Variants in GRM8 observed in about 807,000 individuals in gnomAD.
The protein encoded by GRM8 is metabotropic glutamate receptor 8.
Under a neutral mutation model 87.2 loss-of-function variants are expected in GRM8, and 47 were observed. That is an observed-to-expected ratio of 0.54 (90% CI 0.43 to 0.69). The LOEUF (loss-of-function observed/expected upper bound fraction) is 0.69, where lower values mean the gene tolerates loss of function less well. Ranked by LOEUF, GRM8 falls within the 30% of genes least tolerant of loss-of-function variation. GRM8 has a pLI of 0.00. For missense variants in GRM8, 1,019 were observed against 1,139.2 expected (o/e 0.89, Z 1.52); for synonymous variants, 396 against 404.5 (o/e 0.98, Z 0.25).
chr7:127,088,361 G>A (rs1018099441), intron 3 of GRM8, among the ~76,000 whole-genome samples: 5 of 152,232 alleles, frequency 3.3e-5, no homozygotes, highest in African/African-American at 1.2e-4. Flanking sequence ...ACTAGGGTTG[G>A]TGAAGGCAGC....
intron 9 of GRM8, among the ~76,000 whole-genome samples, chr7:126,532,665 A>G (rs1814996449): frequency 6.6e-6 from 1 of 151,538 alleles, no homozygotes; most frequent in Admixed American, 6.6e-5. Flanking sequence ...GAGCTTTGTC[A>G]ATCTTCAACC....
chr7:126,607,224 A>T (rs1289332686), intron 8 of GRM8, among the ~76,000 whole-genome samples: 1 of 152,242 alleles, frequency 6.6e-6, no homozygotes, highest in Non-Finnish European at 1.5e-5. Flanking sequence ...ATAAGATTTC[A>T]TGAAGCACCT....
chr7:126,503,062 GT>G (rs1809888727), intron 9 of GRM8, among the ~76,000 whole-genome samples: 1 of 151,938 alleles, frequency 6.6e-6, no homozygotes, highest in African/African-American at 2.4e-5. Context: ...ATCAACCAAA[GT>G]GATTTCCAGG....
At chr7:126,578,631 G>A (rs1031730947) in intron 8 of GRM8, among the ~76,000 whole-genome samples, 20 of 152,170 alleles carry the variant, frequency 1.3e-4, no homozygotes, top group Non-Finnish European at 2.9e-4. Flanking sequence ...TCATGCTGCA[G>A]AGGTGTACTC....
At chr7:126,473,918 C>G (rs1235178484) in intron 9 of GRM8, among the ~76,000 whole-genome samples, 2 of 152,118 alleles carry the variant, frequency 1.3e-5, no homozygotes, top group Non-Finnish European at 2.9e-5. Flanking sequence ...CCTCCTTCAC[C>G]TTCCACCATG....
chr7:126,621,875 C>T (rs1430339867), intron 7 of GRM8, among the ~76,000 whole-genome samples: 1 of 152,174 alleles, frequency 6.6e-6, no homozygotes. Flanking sequence ...TCTATGATTT[C>T]CTACACTTCC....
intron 7 of GRM8, among the ~76,000 whole-genome samples, chr7:126,633,510 C>T (rs1225629318): frequency 6.6e-6 from 1 of 152,078 alleles, no homozygotes; most frequent in Non-Finnish European, 1.5e-5. Flanking sequence ...CTACTTGGAG[C>T]ACTTGGATGA....
intron 9 of GRM8, among the ~76,000 whole-genome samples, chr7:126,515,465 A>G (rs775903468): frequency 1.8e-4 from 27 of 152,098 alleles, no homozygotes; most frequent in Non-Finnish European, 1.5e-4. Flanking sequence ...TAAGTTTCCT[A>G]TTGCTGTTAT....
chr7:127,180,795 G>A (rs1468712008), intron 2 of GRM8, among the ~76,000 whole-genome samples: 2 of 151,874 alleles, frequency 1.3e-5, no homozygotes, highest in Non-Finnish European at 2.9e-5. Flanking sequence ...ATCCAGCATT[G>A]CTTTATGATT....
At chr7:126,623,341 TA>T (rs1442194706) in intron 7 of GRM8, among the ~76,000 whole-genome samples, 1 of 152,194 alleles carries the variant, frequency 6.6e-6, no homozygotes, top group Non-Finnish European at 1.5e-5. Context: ...ATACTTTATG[TA>T]AACTAACATA....
At chr7:126,543,082 A>G (rs945234586) in intron 8 of GRM8, among the ~76,000 whole-genome samples, 1 of 152,172 alleles carries the variant, frequency 6.6e-6, no homozygotes, top group Admixed American at 6.6e-5. Context: ...ATGGACATCT[A>G]TGCATGATCT....
chr7:127,009,153 T>C (rs1388859981), intron 3 of GRM8, among the ~76,000 whole-genome samples: 1 of 152,112 alleles, frequency 6.6e-6, no homozygotes. Context: ...CTAAATTAAC[T>C]ACTACTTTAC....
intron 7 of GRM8, among the ~76,000 whole-genome samples, chr7:126,746,390 C>A (rs191318183): frequency 6.6e-6 from 1 of 151,626 alleles, no homozygotes; most frequent in African/African-American, 2.4e-5. Context: ...CCATGGTTAT[C>A]TAGAATATAG....
At chr7:127,038,898 A>G (rs1239277521) in intron 3 of GRM8, among the ~76,000 whole-genome samples, 3 of 152,222 alleles carry the variant, frequency 2.0e-5, no homozygotes, top group Non-Finnish European at 1.5e-5. Flanking sequence ...CAAACTTATT[A>G]TAACATATAA....
intron 3 of GRM8, among the ~76,000 whole-genome samples, chr7:127,037,407 C>G (rs1247627844): frequency 6.6e-6 from 1 of 152,100 alleles, no homozygotes; most frequent in Non-Finnish European, 1.5e-5. Context: ...AGGAAGAGCC[C>G]AGGTCTCTCA....
chr7:126,887,670 G>A (rs1002844454), intron 6 of GRM8, among the ~76,000 whole-genome samples: 1 of 152,034 alleles, frequency 6.6e-6, no homozygotes, highest in Non-Finnish European at 1.5e-5. Context: ...ATTAAGAATT[G>A]AAAGAACAAA....
chr7:126,931,069 T>C (rs1001877088), intron 3 of GRM8, among the ~76,000 whole-genome samples: 1 of 152,150 alleles, frequency 6.6e-6, no homozygotes, highest in Admixed American at 6.5e-5. Context: ...ACTGAATGCA[T>C]TGGAATGGAG....
intron 6 of GRM8, among the ~76,000 whole-genome samples, chr7:126,877,721 T>C (rs1447755961): frequency 6.6e-6 from 1 of 152,240 alleles, no homozygotes; most frequent in Non-Finnish European, 1.5e-5. Flanking sequence ...TAGCTGAAAG[T>C]ATGGCAGCCC....
intron 8 of GRM8, among the ~76,000 whole-genome samples, chr7:126,551,835 C>G (rs925093116): frequency 5.3e-5 from 8 of 152,038 alleles, no homozygotes; most frequent in Admixed American, 2.0e-4. Flanking sequence ...GATAAAAATA[C>G]TCTTAACATT....
Sources: gnomAD v4.1 joint callset for allele counts (sites outside exome capture counted in the v4.1 genomes callset) on GRCh38, gnomAD v4.1.1 for gene constraint, MANE v1.5 for transcripts, NCBI Gene and HGNC (gene_info 2026-07-23, HGNC 2026-07-21) for gene names.